ZFHX3: variants seen among roughly 807,000 people sequenced by gnomAD.
The protein encoded by ZFHX3 is zinc finger homeobox 3, also known as zinc finger homeobox protein 3.
Under a neutral mutation model 279.1 loss-of-function variants are expected in ZFHX3, and 42 were observed. The ratio of observed to expected loss-of-function variants is 0.15; its 90% confidence interval spans 0.12 to 0.19. The LOEUF (loss-of-function observed/expected upper bound fraction) is 0.19, where lower values mean the gene tolerates loss of function less well. Among genes scored for constraint, ZFHX3 ranks in the 10% least tolerant of loss-of-function variants. The pLI is 1.00. For synonymous variants in ZFHX3, 2,293 were observed against 1,957.8 expected, an observed-to-expected ratio of 1.17 and a Z score of -4.52; for missense variants, 4,981 against 4,754.0, an observed-to-expected ratio of 1.05 and a Z score of -1.40.
intron 1 of ZFHX3, among the ~76,000 whole-genome samples, chr16:72,967,844 C>G (rs1357005533): frequency 6.6e-6 from 1 of 150,448 alleles, no homozygotes; most frequent in African/African-American, 2.4e-5. Flanking sequence ...AGGAGAATGG[C>G]GTGAACCCGG....
At chr16:73,670,117 C>T (rs1044163941) in intron 2 of ZFHX3, among the ~76,000 whole-genome samples, 7 of 152,170 alleles carry the variant, frequency 4.6e-5, no homozygotes, top group African/African-American at 1.4e-4. Flanking sequence ...AAGGTGGTTT[C>T]CCTCGCAGAC....
chr16:73,479,928 G>A (rs2018834798), intron 2 of ZFHX3, among the ~76,000 whole-genome samples: 1 of 152,186 alleles, frequency 6.6e-6, no homozygotes, highest in Non-Finnish European at 1.5e-5. Context: ...CTGGGCAAAT[G>A]GAGGCATGGG....
chr16:73,357,718 A>G (rs2016367598), intron 3 of ZFHX3, among the ~76,000 whole-genome samples: 1 of 152,106 alleles, frequency 6.6e-6, no homozygotes, highest in South Asian at 2.1e-4. Context: ...GGGCGTGAGA[A>G]TTTGAACCGT....
At chr16:72,889,659 G>A (rs2038721457) in intron 4 of ZFHX3, 72 bp downstream of exon 4, 2 of 1,440,284 alleles carry the variant, frequency 1.4e-6, no homozygotes, top group Admixed American at 2.0e-5. Context: ...TCAAACAGAA[G>A]TCCTCTGGAG....
At chr16:72,927,119 C>A (rs1170232759) in intron 3 of ZFHX3, among the ~76,000 whole-genome samples, 1 of 151,964 alleles carries the variant, frequency 6.6e-6, no homozygotes, top group African/African-American at 2.4e-5. Flanking sequence ...ACATTCAGAA[C>A]CTTCAGGTCT....
At chr16:73,449,624 T>C (rs770196572) in intron 3 of ZFHX3, among the ~76,000 whole-genome samples, 5 of 152,178 alleles carry the variant, frequency 3.3e-5, no homozygotes, top group Non-Finnish European at 7.3e-5. Flanking sequence ...AATATAGAAG[T>C]ATAAAATATG....
rs147074675 is a variant in ZFHX3 at position 73,492,593 on chromosome 16, G to A, written c.-1546-36335C>T. Among the ~76,000 whole-genome samples the A allele has an allele frequency of 3.3e-3, 500 of 152,214 alleles. 2 individuals are homozygous for A. Among genetic ancestry groups the A allele is most frequent in the South Asian group, 8.1e-3 (39 of 4,820 alleles). On this transcript the variant is annotated intron_variant, in intron 2 of 17. Coordinates refer to the ZFHX3 transcript ENST00000641206. ...CGCATGGGATGCACCTTAACCTCTT[G>A]AAACCACAGATGTAAAATGGGACTA...
chr16:73,260,454 CA>C (rs1478968539), intron 4 of ZFHX3, among the ~76,000 whole-genome samples: 1 of 152,040 alleles, frequency 6.6e-6, no homozygotes, highest in African/African-American at 2.4e-5. Flanking sequence ...CACGCTTGGC[CA>C]GTTGGGACCC....
chr16:73,261,842 ATT>A (rs541523882), intron 4 of ZFHX3, among the ~76,000 whole-genome samples: 2,015 of 151,950 alleles, frequency 0.013, 18 homozygotes, highest in Non-Finnish European at 0.02. Context: ...CGCTCGGCGA[ATT>A]TTTTATTTTT....
chr16:72,926,303 T>C (rs911654172), intron 3 of ZFHX3, among the ~76,000 whole-genome samples: 2 of 152,158 alleles, frequency 1.3e-5, no homozygotes, highest in Non-Finnish European at 2.9e-5. Context: ...CGTCTCTGTC[T>C]CTCTCACACT....
chr16:73,594,397 T>C (rs1233612142), intron 2 of ZFHX3, among the ~76,000 whole-genome samples: 1 of 152,170 alleles, frequency 6.6e-6, no homozygotes, highest in Non-Finnish European at 1.5e-5. Flanking sequence ...TCAATTACCT[T>C]CCAATGGATG....
intron 4 of ZFHX3, among the ~76,000 whole-genome samples, chr16:72,883,629 T>C (rs537205927): frequency 2.7e-4 from 41 of 152,366 alleles, no homozygotes; most frequent in Middle Eastern, 3.4e-3. Flanking sequence ...TTCATGTTCA[T>C]ACATAATGAC....
At chr16:73,240,134 CAT>C (rs1359775142) in intron 5 of ZFHX3, among the ~76,000 whole-genome samples, 2 of 152,086 alleles carry the variant, frequency 1.3e-5, no homozygotes, top group Non-Finnish European at 2.9e-5. Context: ...TTAATTTACA[CAT>C]GTGTTTTCTT....
rs766439289 is a variant in ZFHX3 at position 72,788,112 on chromosome 16, CTGCTGCTGCTGCTGTAGT to C, written c.10146_10163del (p.Leu3383_Gln3388del). On this transcript the variant is annotated inframe_deletion, in exon 10 of 10. Transcript: ENST00000268489. ...TGGGCTGCTGCTGCTGCACTTTTTG[CTGCTGCTGCTGCTGTAGT>C]TGCCGCTGCTGCTGCTGCTGAATTG... The C allele has an allele frequency of 3.6e-5, 58 of 1,598,270 alleles. No homozygotes were observed. The Middle Eastern group carries it at 8.4e-4, about 23-fold the overall frequency.
At chr16:73,030,719 C>T (rs1024171504) in intron 1 of ZFHX3, among the ~76,000 whole-genome samples, 2 of 152,148 alleles carry the variant, frequency 1.3e-5, no homozygotes, top group Non-Finnish European at 2.9e-5. Context: ...GACCAACTTG[C>T]TACCAAGAGT....
chr16:73,655,161 G>A (rs953898197), intron 2 of ZFHX3, among the ~76,000 whole-genome samples: 5 of 151,984 alleles, frequency 3.3e-5, no homozygotes, highest in Non-Finnish European at 5.9e-5. Context: ...ACACCCGGCC[G>A]TAATCATCAC....
chr16:72,996,409 C>T (rs1039822612), intron 1 of ZFHX3, among the ~76,000 whole-genome samples: 5 of 152,214 alleles, frequency 3.3e-5, no homozygotes, highest in Admixed American at 6.5e-5. Context: ...GAGACTGTGT[C>T]TTCTCATCTT....
intron 3 of ZFHX3, among the ~76,000 whole-genome samples, chr16:73,370,989 A>G (rs2016618337): frequency 1.3e-5 from 2 of 152,104 alleles, no homozygotes; most frequent in Non-Finnish European, 2.9e-5. Context: ...TGCTCTCCTG[A>G]TTGGAATCCT....
At chr16:73,038,693 C>G (rs1292158721) in intron 1 of ZFHX3, among the ~76,000 whole-genome samples, 1 of 150,898 alleles carries the variant, frequency 6.6e-6, no homozygotes, top group Non-Finnish European at 1.5e-5. Flanking sequence ...CTCTCTCTCT[C>G]TCTATTGGAC....
Sources: gnomAD v4.1 joint callset for allele counts (sites outside exome capture counted in the v4.1 genomes callset) on GRCh38, gnomAD v4.1.1 for gene constraint, MANE v1.5 for transcripts, NCBI Gene and HGNC (gene_info 2026-07-23, HGNC 2026-07-21) for gene names.